Variants in FANCM observed in about 807,000 individuals in gnomAD.
The protein encoded by FANCM is FA complementation group M.
A neutral mutation model predicts 199.5 loss-of-function variants in FANCM; 140 were observed. The observed-to-expected ratio is 0.70, with a 90% CI of 0.61 to 0.81. The LOEUF is 0.81. Among genes scored for constraint, FANCM ranks in the 30% least tolerant of loss-of-function variants. FANCM has a pLI of 0.00. For synonymous variants in FANCM, 840 were observed against 836.8 expected, an observed-to-expected ratio of 1.00 and a Z score of -0.07; for missense variants, 2,410 against 2,421.4, an observed-to-expected ratio of 1.00 and a Z score of 0.10.
intron 2 of FANCM, among the ~76,000 whole-genome samples, chr14:45,139,832 A>T (rs746247519): frequency 1.3e-5 from 2 of 152,034 alleles, no homozygotes; most frequent in Non-Finnish European, 2.9e-5. Context: ...ATTAGCTTTC[A>T]CTACATTACA....
At chr14:45,149,570 G>C (rs959853082) in intron 4 of FANCM, among the ~76,000 whole-genome samples, 1 of 152,120 alleles carries the variant, frequency 6.6e-6, no homozygotes, top group Admixed American at 6.6e-5. Flanking sequence ...GTTTCACCTT[G>C]TTGGCCAAGC....
Position 45,148,854 on chromosome 14 carries a change from T to G in FANCM, c.777T>G (p.Ile259Met). 6.2e-7 allele frequency: 1 copy of G among 1,609,530 alleles called. No homozygotes were observed. The highest frequency in any genetic ancestry group is 8.5e-7 in the Non-Finnish European group (1 of 1,176,404). ...TCATATAGGCTGTGCAACAAGTTAT[T>G]ACTAACCTGCTAATTGGGCAGATAG... The part of the protein sequence containing the change: ...GSDIKAVQQV[I>M]TNLLIGQIEL... Residue 259 changes from isoleucine (I) to methionine (M), a missense_variant, in exon 4 of 23, where the codon ATT becomes ATG. Transcript: ENST00000267430.
intron 18 of FANCM, 43 bp downstream of exon 18, chr14:45,185,416 A>G (rs568560923): frequency 1.8e-5 from 21 of 1,138,124 alleles, no homozygotes; most frequent in East Asian, 2.5e-5. Flanking sequence ...CAATGTTTTT[A>G]TGTGCTTATA....
chr14:45,172,973 A>T (rs1273406901), intron 12 of FANCM, 82 bp from the exon 13 acceptor site: 8 of 977,118 alleles, frequency 8.2e-6, no homozygotes, highest in Non-Finnish European at 1.3e-5. Context: ...AGCTGATTAT[A>T]TGTATATTGA....
At chr14:45,196,025 T>A in intron 20 of FANCM, 147 bp from the exon 21 acceptor site, 1 of 806,326 alleles carries the variant, frequency 1.2e-6, no homozygotes, top group Non-Finnish European at 2.2e-6. Context: ...TAGTGACTTA[T>A]GTGTTCCTTC....
intron 5 of FANCM, among the ~76,000 whole-genome samples, chr14:45,152,622 C>T (rs377614999): frequency 2.6e-5 from 4 of 152,184 alleles, no homozygotes; most frequent in South Asian, 2.1e-4. Context: ...ATAGGGAATG[C>T]CTGTGCAAAA....
At chr14:45,169,298 A>G (rs1039495156) in intron 11 of FANCM, among the ~76,000 whole-genome samples, 1 of 151,978 alleles carries the variant, frequency 6.6e-6, no homozygotes, top group African/African-American at 2.4e-5. Context: ...CAGGTCTGAA[A>G]GGGGCCTGAG....
rs2139247801 is a variant in FANCM, at chr14:45,176,114, C to T, written c.3360C>T (p.Asn1120=). ...GAGAGAACAATCATGATGTTGATAA[C>T]AGTGACCTCCCAGTATTGTCCACTG... The part of the protein sequence containing the change: ...LVGENNHDVD[N]SDLPVLSTDQ... Residue 1120 remains asparagine, a synonymous_variant, in exon 14 of 23, where the codon AAC becomes AAT. Transcript: ENST00000267430. 8 of 1,614,006 alleles carry T rather than the reference C, an allele frequency of 5.0e-6. No individual in the cohort carries two copies. The highest frequency in any genetic ancestry group is 6.8e-6 in the Non-Finnish European group (8 of 1,179,938).
At chr14:45,156,849 C>T (rs977055295) in intron 8 of FANCM, among the ~76,000 whole-genome samples, 19 of 138,942 alleles carry the variant, frequency 1.4e-4, no homozygotes, top group Admixed American at 4.7e-4. Flanking sequence ...ACCTGGGAGA[C>T]GGAGGTTGCG....
At chr14:45,170,875 A>G (rs1012879238) in intron 12 of FANCM, 129 bp downstream of exon 12, 23 of 801,274 alleles carry the variant, frequency 2.9e-5, no homozygotes, top group East Asian at 2.1e-4. Flanking sequence ...TGGAATGTCA[A>G]CTTACTTTAA....
rs1420000591 is a variant in FANCM at position 45,175,777 on chromosome 14, A to C, written c.3023A>C (p.Glu1008Ala). The C allele has an allele frequency of 2.5e-6, 4 of 1,613,600 alleles. No homozygotes were observed. The highest frequency in any genetic ancestry group is 1.3e-5 in the African/African-American group (1 of 74,902). ...CCTCTCAGTGGACTCTCAGACTTGGAATATGAAATTGCTAAGGGTACTGCA... is the reference window on the plus strand; with the variant it reads ...CCTCTCAGTGGACTCTCAGACTTGGCATATGAAATTGCTAAGGGTACTGCA... The part of the protein sequence containing the change: ...PPPLSGLSDL[E>A]YEIAKGTALE... Residue 1008 changes from glutamate to alanine, a missense_variant, in exon 14 of 23, where the codon GAA becomes GCA. Physicochemically the swap from Glu to Ala is moderately radical, Grantham distance 107 (BLOSUM62 -1). Transcript: ENST00000267430.
At chr14:45,159,715 T>C (rs1298848551) in intron 9 of FANCM, among the ~76,000 whole-genome samples, 1 of 152,108 alleles carries the variant, frequency 6.6e-6, no homozygotes, top group Non-Finnish European at 1.5e-5. Context: ...CCTCTTTTTA[T>C]TTATTTAAAA....
intron 8 of FANCM, among the ~76,000 whole-genome samples, chr14:45,157,685 T>G (rs924165624): frequency 2.0e-5 from 3 of 152,206 alleles, no homozygotes; most frequent in African/African-American, 7.2e-5. Context: ...TACAGAGACT[T>G]GATGCTTGAT....
chr14:45,178,306 C>T (rs1888843237), intron 14 of FANCM, among the ~76,000 whole-genome samples: 1 of 152,122 alleles, frequency 6.6e-6, no homozygotes, highest in East Asian at 1.9e-4. Flanking sequence ...GCCTGTGAGC[C>T]TTCAATATTT....
intron 3 of FANCM, among the ~76,000 whole-genome samples, chr14:45,144,527 C>CT (rs1453321227): frequency 6.6e-6 from 1 of 152,224 alleles, no homozygotes; most frequent in East Asian, 1.9e-4. Context: ...GTGCTCTATA[C>CT]TACTGCAGCT....
chr14:45,164,708 T>G, intron 10 of FANCM, 143 bp downstream of exon 10: 1 of 681,464 alleles, frequency 1.5e-6, no homozygotes, highest in Non-Finnish European at 2.5e-6. Context: ...TATTGGATTC[T>G]CTCTTGTAAC....
intron 14 of FANCM, chr14:45,180,836 T>G (rs937491650): frequency 1.3e-5 from 2 of 153,988 alleles, no homozygotes; most frequent in Non-Finnish European, 2.9e-5. Flanking sequence ...CCTAGACTCA[T>G]AAGTCATACA....
At chr14:45,155,350 T>G (rs753415167) in intron 7 of FANCM, 23 bp from the exon 8 acceptor site, 2 of 1,046,116 alleles carry the variant, frequency 1.9e-6, no homozygotes, top group Non-Finnish European at 3.0e-6. Flanking sequence ...GAAAAAAATT[T>G]TGATATTTTT....
rs1012597360 is a variant in FANCM at position 45,164,468 on chromosome 14, A to C, written c.1691A>C (p.Gln564Pro). The C allele has an allele frequency of 7.4e-6, 12 of 1,613,608 alleles. No individual in the cohort carries two copies. The highest frequency in any genetic ancestry group is 1.0e-5 in the Non-Finnish European group (12 of 1,179,968). ...EVDLIICFDS[Q>P]KSPIRLVQRM... ...GATCTTATAATATGTTTTGATTCCC[A>C]GAAGAGCCCAATTCGTCTTGTACAA... Residue 564 changes from glutamine to proline, a missense_variant, in exon 10 of 23, where the codon CAG (glutamine) becomes CCG (proline). Transcript: ENST00000267430.
Sources: allele counts gnomAD v4.1 joint callset (sites outside exome capture counted in the v4.1 genomes callset), GRCh38; gene constraint gnomAD v4.1.1; transcripts MANE v1.5; gene names NCBI Gene and HGNC (gene_info 2026-07-23, HGNC 2026-07-21).